The following ZFPM2 variants were observed in gnomAD, a reference collection of about 807,000 sequenced individuals.
ZFPM2 encodes zinc finger protein, FOG family member 2, also known as zinc finger protein ZFPM2.
In ZFPM2, 20 loss-of-function variants were observed where a neutral mutation model predicts 98.6. The observed-to-expected ratio is 0.20, with a 90% CI of 0.14 to 0.29. The LOEUF is 0.29. Among genes scored for constraint, ZFPM2 ranks in the 10% least tolerant of loss-of-function variants. The pLI, the probability that ZFPM2 is intolerant of heterozygous loss-of-function variation, is 1.00. For synonymous variants in ZFPM2, 518 were observed against 502.7 expected (o/e 1.03, Z -0.41); for missense variants, 1,310 against 1,388.6 (o/e 0.94, Z 0.90).
intron 3 of ZFPM2, among the ~76,000 whole-genome samples, chr8:105,554,252 T>G (rs778835259): frequency 1.2e-4 from 19 of 152,294 alleles, no homozygotes; most frequent in Non-Finnish European, 2.6e-4. Context: ...GAAACATGGT[T>G]ATTAATGCCT....
At chr8:105,773,631 C>A (rs1265141439) in intron 5 of ZFPM2, among the ~76,000 whole-genome samples, 2 of 147,270 alleles carry the variant, frequency 1.4e-5, no homozygotes, top group East Asian at 4.0e-4. Context: ...TAAATCATGA[C>A]ATGAAAATAT....
At chr8:105,481,477 C>G (rs1441148281) in intron 3 of ZFPM2, among the ~76,000 whole-genome samples, 4 of 152,132 alleles carry the variant, frequency 2.6e-5, no homozygotes, top group Admixed American at 6.5e-5. Flanking sequence ...GCTCTGCTTT[C>G]TCTTCCTCCT....
intron 5 of ZFPM2, among the ~76,000 whole-genome samples, chr8:105,645,967 C>T (rs1370356362): frequency 1.3e-5 from 2 of 150,660 alleles, no homozygotes; most frequent in Admixed American, 6.6e-5. Context: ...ATGGGAGAAT[C>T]GCTTGAACCC....
chr8:105,488,452 A>G (rs1813281278), intron 3 of ZFPM2, among the ~76,000 whole-genome samples: 1 of 152,174 alleles, frequency 6.6e-6, no homozygotes, highest in Admixed American at 6.6e-5. Flanking sequence ...GCAGAATAGG[A>G]AACACAGGGT....
chr8:105,754,376 T>C (rs1408974679), intron 5 of ZFPM2, among the ~76,000 whole-genome samples: 4 of 152,188 alleles, frequency 2.6e-5, no homozygotes, highest in Non-Finnish European at 5.9e-5. Context: ...CTTGAAAATA[T>C]GTAGCGTCAG....
intron 4 of ZFPM2, among the ~76,000 whole-genome samples, chr8:105,583,464 T>G (rs1304256229): frequency 3.9e-5 from 6 of 152,214 alleles, no homozygotes; most frequent in Non-Finnish European, 7.3e-5. Context: ...TATAGCATAT[T>G]TCTGAACAGT....
chr8:105,789,036 G>T, intron 6 of ZFPM2, 112 bp downstream of exon 6: 3 of 814,438 alleles, frequency 3.7e-6, no homozygotes, highest in Non-Finnish European at 5.4e-6. Context: ...CAGTGTTGTG[G>T]TTTCATTTTA....
chr8:105,537,623 A>T (rs1814481464), intron 3 of ZFPM2, among the ~76,000 whole-genome samples: 1 of 152,214 alleles, frequency 6.6e-6, no homozygotes, highest in Non-Finnish European at 1.5e-5. Flanking sequence ...TTGAGGCTGC[A>T]CTGAGCTATG....
chr8:105,707,564 A>T (rs542539745), intron 5 of ZFPM2, among the ~76,000 whole-genome samples: 22 of 152,288 alleles, frequency 1.4e-4, no homozygotes, highest in African/African-American at 4.8e-4. Flanking sequence ...GGTAGGTAAG[A>T]CCAATCCAAT....
At chr8:105,440,948 G>C (rs554360572) in intron 2 of ZFPM2, among the ~76,000 whole-genome samples, 1 of 151,788 alleles carries the variant, frequency 6.6e-6, no homozygotes, top group African/African-American at 2.4e-5. Context: ...TCAAGAGATC[G>C]CGACCATCCT....
chr8:105,648,205 G>A (rs1221715019), intron 5 of ZFPM2, among the ~76,000 whole-genome samples: 1 of 152,108 alleles, frequency 6.6e-6, no homozygotes, highest in Non-Finnish European at 1.5e-5. Flanking sequence ...CATGTCCTTT[G>A]CCCACTTTTT....
At chr8:105,764,172 G>A (rs1186953364) in intron 5 of ZFPM2, among the ~76,000 whole-genome samples, 1 of 151,626 alleles carries the variant, frequency 6.6e-6, no homozygotes, top group African/African-American at 2.4e-5. Context: ...GGAATAGATA[G>A]AAGTGCAATT....
chr8:105,402,812 C>T (rs13279707), intron 1 of ZFPM2, among the ~76,000 whole-genome samples: 4,635 of 152,052 alleles, frequency 0.03, 90 homozygotes, highest in Non-Finnish European at 0.047. Context: ...AATTATTTAT[C>T]ACTGTTGAGA....
chr8:105,803,147 A>G lies in ZFPM2; in HGVS notation c.3065A>G (p.Asn1022Ser). 6.2e-7 allele frequency: 1 copy of G among 1,613,960 alleles called. No individual in the cohort carries two copies. Among genetic ancestry groups the G allele is most frequent in the Non-Finnish European group, 8.5e-7 (1 of 1,179,864 alleles). The change falls in exon 8 of 8, where the codon AAT (asparagine) becomes AGT (serine). Residue 1022 changes from asparagine (N) to serine (S), a missense_variant. Physicochemically the swap from Asn to Ser is conservative, Grantham distance 46. Transcript: ENST00000407775. Reference sequence around the variant, plus strand: ...TCTCCTAAAGGCCAGGCTTCCTCAAATGGGTGTGCTGCGCTGAAGAAAGAT... The same window carrying G: ...TCTCCTAAAGGCCAGGCTTCCTCAAGTGGGTGTGCTGCGCTGAAGAAAGAT... ...NESPKGQASS[N>S]GCAALKKDSL...
rs752360592 is a variant in ZFPM2 at position 105,802,911 on chromosome 8, G to A, written c.2829G>A (p.Lys943=). Residue 943 remains lysine (K), a synonymous_variant, in exon 8 of 8, where the codon AAG becomes AAA. Transcript: ENST00000407775. The part of the protein sequence containing the change: ...SSHLATLQGL[K]VFSEAAQLIA... ...ACCTAGCAACCCTGCAAGGCTTGAA[G>A]GTCTTTAGTGAAGCTGCTCAGCTCA... The A allele has an allele frequency of 1.9e-5, 30 of 1,613,490 alleles. No individual in the cohort carries two copies. Among genetic ancestry groups the A allele is most frequent in the Non-Finnish European group, 2.4e-5 (28 of 1,179,800 alleles).
intron 1 of ZFPM2, among the ~76,000 whole-genome samples, chr8:105,327,539 G>A (rs80274310): frequency 0.044 from 6,610 of 151,698 alleles, 488 homozygotes; most frequent in African/African-American, 0.15. Context: ...TTCAAGTTCA[G>A]TTGAGGGCCA....
At chr8:105,545,354 T>C (rs1814672245) in intron 3 of ZFPM2, among the ~76,000 whole-genome samples, 1 of 152,192 alleles carries the variant, frequency 6.6e-6, no homozygotes, top group African/African-American at 2.4e-5. Context: ...TCTGTTTTTT[T>C]GTAGTAGCCA....
At chr8:105,463,556 G>A (rs1425017923) in intron 3 of ZFPM2, among the ~76,000 whole-genome samples, 1 of 151,880 alleles carries the variant, frequency 6.6e-6, no homozygotes, top group Non-Finnish European at 1.5e-5. Flanking sequence ...GATTAACTCA[G>A]GACAACATGT....
At chr8:105,335,058 A>G (rs1378249007) in intron 1 of ZFPM2, among the ~76,000 whole-genome samples, 1 of 151,820 alleles carries the variant, frequency 6.6e-6, no homozygotes, top group East Asian at 1.9e-4. Flanking sequence ...TAATTATGAC[A>G]GAGTGGAAAG....
Sources: allele counts gnomAD v4.1 joint callset (sites outside exome capture counted in the v4.1 genomes callset), GRCh38; gene constraint gnomAD v4.1.1; transcripts MANE v1.5; gene names NCBI Gene and HGNC (gene_info 2026-07-23, HGNC 2026-07-21).